CSPG4: variants seen among roughly 807,000 people sequenced by gnomAD.
CSPG4 encodes chondroitin sulfate proteoglycan 4, also known as chondroitin sulfate proteoglycan 4 (melanoma-associated).
A neutral mutation model predicts 139.3 loss-of-function variants in CSPG4; 74 were observed. That is an observed-to-expected ratio of 0.53 (90% CI 0.44 to 0.64). The LOEUF (loss-of-function observed/expected upper bound fraction) is 0.64, where lower values mean the gene tolerates loss of function less well. CSPG4 is among the 30% of genes least tolerant of loss of function. CSPG4 has a pLI of 0.00. For synonymous variants in CSPG4, 1,234 were observed against 1,394.2 expected (o/e 0.89, Z 2.56); for missense variants, 2,565 against 3,148.3 (o/e 0.81, Z 4.43).
Position 75,675,806 on chromosome 15 carries a change from A to C in CSPG4, c.6713T>G (p.Leu2238Arg), listed in dbSNP as rs2141419466. Residue 2238 changes from leucine to arginine, a missense_variant, in exon 10 of 10, where the codon CTC becomes CGC. By Grantham distance (102) the Leu-to-Arg change is moderately radical. This residue lies in a region of CSPG4 where 2,316 missense variants were observed against 2,818.2 expected (regional missense o/e 0.82). Coordinates refer to ENST00000308508, the MANE Select transcript of CSPG4 (RefSeq NM_001897.5). ...GAGGTAGAAGAGCAGGGGCAGGATGAGCGCCAGGAGCAGAAGTACCAGGCA... is the reference window on the plus strand; with the variant it reads ...GAGGTAGAAGAGCAGGGGCAGGATGCGCGCCAGGAGCAGAAGTACCAGGCA... Reference protein sequence around the residue: ...PMCLVLLLLALILPLLFYLRK... With the variant: ...PMCLVLLLLARILPLLFYLRK... 6.2e-7 allele frequency: 1 copy of C among 1,613,366 alleles called. No homozygotes were observed. Among genetic ancestry groups the C allele is most frequent in the East Asian group, 2.2e-5 (1 of 44,860 alleles).
intron 9 of CSPG4, 90 bp from the exon 10 acceptor site, chr15:75,677,474 C>T: frequency 7.5e-7 from 1 of 1,340,848 alleles, no homozygotes; most frequent in Non-Finnish European, 9.8e-7. Context: ...CAAGGATGTG[C>T]CTCCCCCCAA....
chr15:75,702,317 G>A (rs2141438053), intron 1 of CSPG4, among the ~76,000 whole-genome samples: 1 of 152,374 alleles, frequency 6.6e-6, no homozygotes, highest in South Asian at 2.1e-4. Flanking sequence ...GCCTGCTGCT[G>A]GGCCAGCTCT....
At chr15:75,680,317 A>G (rs1192092551) in intron 8 of CSPG4, 1 of 152,304 alleles carries the variant, frequency 6.6e-6, no homozygotes, top group African/African-American at 2.4e-5. Flanking sequence ...AATAGGGGCT[A>G]GCACCTGTTC....
chr15:75,701,136 C>T (rs979776898), intron 1 of CSPG4, among the ~76,000 whole-genome samples: 6 of 152,188 alleles, frequency 3.9e-5, no homozygotes, highest in Admixed American at 6.5e-5. Flanking sequence ...TGGCCACTAC[C>T]GTGGGTACAG....
At chr15:75,686,870 T>C (rs1463823868) in intron 3 of CSPG4, among the ~76,000 whole-genome samples, 190 of 151,130 alleles carry the variant, frequency 1.3e-3, no homozygotes, top group East Asian at 9.7e-3. Flanking sequence ...GTGGGGGACA[T>C]GAGGGTCTGA....
At position 75,693,180 on chromosome 15, in the gene CSPG4, C is replaced by T. The variant is rs766256544; in HGVS notation, c.142G>A (p.Asp48Asn). 14 of 1,609,860 alleles carry T rather than the reference C, an allele frequency of 8.7e-6. No homozygotes were observed. Among genetic ancestry groups the T allele is most frequent in the African/African-American group, 5.3e-5 (4 of 74,846 alleles). ...LEVPVATALT[D>N]IDLQLQFSTS... Reference sequence around the variant, plus strand: ...GAGAACTGCAGCTGCAGGTCTATGTCGGTCAGAGCCGTGGCCACAGGCACC... The same window carrying T: ...GAGAACTGCAGCTGCAGGTCTATGTTGGTCAGAGCCGTGGCCACAGGCACC... The change falls in exon 2 of 10, where the codon GAC (aspartate) becomes AAC (asparagine). Residue 48 changes from aspartate to asparagine, a missense_variant. Asp to Asn is a conservative substitution (Grantham distance 23). This residue lies in a region of CSPG4 where 30 missense variants were observed against 60.1 expected (regional missense o/e 0.50). Transcript: ENST00000308508.
chr15:75,682,486 A>T (rs376838138), intron 7 of CSPG4, 27 bp from the exon 8 acceptor site: 2 of 1,571,260 alleles, frequency 1.3e-6, no homozygotes, highest in East Asian at 4.5e-5. Context: ...GGGATATCAG[A>T]TTTTGACTGG....
At chr15:75,685,125 C>G in intron 4 of CSPG4, 94 bp downstream of exon 4, 1 of 1,469,404 alleles carries the variant, frequency 6.8e-7, no homozygotes, top group Non-Finnish European at 9.1e-7. Context: ...CGTCTCCTCT[C>G]TGTGTATAAC....
intron 1 of CSPG4, among the ~76,000 whole-genome samples, chr15:75,703,357 A>C (rs1024315435): frequency 2.0e-5 from 3 of 151,424 alleles, no homozygotes; most frequent in Non-Finnish European, 3.0e-5. Flanking sequence ...GCGCAGGGGC[A>C]GACAGAAGCC....
intron 1 of CSPG4, among the ~76,000 whole-genome samples, chr15:75,695,448 G>A (rs1894213491): frequency 6.6e-6 from 1 of 152,162 alleles, no homozygotes; most frequent in Non-Finnish European, 1.5e-5. Context: ...CTGTGGGGCT[G>A]AGCGGGAGGG....
rs1429977904 is a variant in CSPG4, at chr15:75,675,864, CAAGG to C, written c.6651_6654del (p.Phe2217LeufsTer43). ...ATGATGACGCTGAACATGTTGGCCT[CAAGG>C]AAGCTCAGGAAGCCTCCCTTGGCCA... is the stretch of plus-strand genomic sequence containing the variant. On this transcript the variant is annotated frameshift_variant, in exon 10 of 10. Transcript: ENST00000308508. LOFTEE classifies it high-confidence loss of function. The C allele has an allele frequency of 1.2e-6, 2 of 1,608,928 alleles. No individual in the cohort carries two copies. The highest frequency in any genetic ancestry group is 1.7e-6 in the Non-Finnish European group (2 of 1,179,984).
Position 75,689,569 on chromosome 15 carries a change from A to G in CSPG4, c.1496T>C (p.Val499Ala). The G allele has an allele frequency of 6.2e-7, 1 of 1,612,690 alleles. No individual in the cohort carries two copies. Among genetic ancestry groups the G allele is most frequent in the Non-Finnish European group, 8.5e-7 (1 of 1,179,790 alleles). The change falls in exon 3 of 10, where the codon GTG becomes GCG. Residue 499 changes from valine (V) to alanine (A), a missense_variant. Val to Ala is a moderately conservative substitution (Grantham distance 64). Coordinates refer to ENST00000308508, the MANE Select transcript of CSPG4 (RefSeq NM_001897.5). ...GATGAAGCGGGCCTTGCGGTTCACC[A>G]CGTCCAGGAGGGTGAACATTTTTCG... The part of the protein sequence containing the change: ...QARKMFTLLD[V>A]VNRKARFIHD...
intron 1 of CSPG4, among the ~76,000 whole-genome samples, chr15:75,700,763 G>T (rs1158384152): frequency 6.6e-6 from 1 of 152,202 alleles, no homozygotes; most frequent in Non-Finnish European, 1.5e-5. Flanking sequence ...CTGGCGGGCT[G>T]GGTCTGGAGA....
At chr15:75,681,315 C>T (rs994991693) in intron 8 of CSPG4, among the ~76,000 whole-genome samples, 1 of 151,852 alleles carries the variant, frequency 6.6e-6, no homozygotes, top group African/African-American at 2.4e-5. Flanking sequence ...CCATCTGCAC[C>T]TCTCAGGAGG....
rs1894108735 is a variant in CSPG4 at position 75,688,876 on chromosome 15, G to A, written c.2189C>T (p.Ala730Val). ...VEGAEWWATQ[A>V]FHQRDVEQGR... ...CTGCTCCACATCCCGCTGGTGGAAC[G>A]CCTGTGTGGCCCACCACTCAGCACC... Residue 730 changes from alanine (A) to valine (V), a missense_variant, in exon 3 of 10, where the codon GCG becomes GTG. This residue lies in a region of CSPG4 where 2,316 missense variants were observed against 2,818.2 expected (regional missense o/e 0.82). Transcript: ENST00000308508. 5 of 1,612,146 alleles carry A rather than the reference G, an allele frequency of 3.1e-6. No homozygotes were observed. Among genetic ancestry groups the A allele is most frequent in the East Asian group, 2.2e-5 (1 of 44,876 alleles).
At chr15:75,697,327 C>T (rs1596011736) in intron 1 of CSPG4, among the ~76,000 whole-genome samples, 1 of 152,026 alleles carries the variant, frequency 6.6e-6, no homozygotes, top group African/African-American at 2.4e-5. Flanking sequence ...ACCCTTTGCT[C>T]TAGGACAGTC....
chr15:75,707,019 G>A (rs1034243852), intron 1 of CSPG4, among the ~76,000 whole-genome samples: 26 of 149,498 alleles, frequency 1.7e-4, no homozygotes, highest in Middle Eastern at 3.4e-3. Context: ...GTGCAGTGAC[G>A]CGATCTTAGC....
In CSPG4 at chr15:75,688,426, G is replaced by A. The variant is rs1305078686; in HGVS notation, c.2639C>T (p.Pro880Leu). The A allele has an allele frequency of 2.5e-6, 4 of 1,613,196 alleles. No individual in the cohort carries two copies. In the African/African-American group the frequency reaches 5.3e-5, roughly 22 times the overall value. Residue 880 changes from proline to leucine, a missense_variant, in exon 3 of 10, where the codon CCA becomes CTA. By Grantham distance (98) the Pro-to-Leu change is moderately conservative (BLOSUM62 -3). This residue lies in a region of CSPG4 where 2,316 missense variants were observed against 2,818.2 expected (regional missense o/e 0.82). Coordinates refer to ENST00000308508, the MANE Select transcript of CSPG4 (RefSeq NM_001897.5). The part of the protein sequence containing the change: ...EDTFRFRVTA[P>L]PYFSPLYTFP... ...GGTATAGAGTGGGGAGAAATATGGTGGAGCTGTGACACGGAAACGGAAGGT... is the reference window on the plus strand; with the variant it reads ...GGTATAGAGTGGGGAGAAATATGGTAGAGCTGTGACACGGAAACGGAAGGT...
Position 75,690,601 on chromosome 15 carries a change from C to A in CSPG4, c.464G>T (p.Gly155Val), listed in dbSNP as rs576968798. 1 of 1,608,766 alleles carries A rather than the reference C, an allele frequency of 6.2e-7. No individual in the cohort carries two copies. Among genetic ancestry groups the A allele is most frequent in the East Asian group, 2.2e-5 (1 of 44,830 alleles). ...GCTGGTTCCCCTCAGGTAGGGCAGG[C>A]CAAGGGTCCCAGTGCCCCCAACAAA... ...GLFVGGTGTLGLPYLRGTSRP... is the reference protein window; with the variant it reads ...GLFVGGTGTLVLPYLRGTSRP... The change falls in exon 3 of 10, where the codon GGC becomes GTC. Residue 155 changes from glycine to valine, a missense_variant. This residue lies in a region of CSPG4 where 132 missense variants were observed against 132.3 expected (regional missense o/e 1.00). Transcript: ENST00000308508.
Sources: gnomAD v4.1 joint callset for allele counts (sites outside exome capture counted in the v4.1 genomes callset) on GRCh38, gnomAD v4.1.1 for gene constraint, gnomAD v4.1.1 regional missense constraint, MANE v1.5 for transcripts, NCBI Gene and HGNC (gene_info 2026-07-23, HGNC 2026-07-21) for gene names.